The following MAPK10 variants were observed in gnomAD, a reference collection of about 807,000 sequenced individuals.
MAPK10 encodes the protein mitogen-activated protein kinase 10.
Under a neutral mutation model 59.3 loss-of-function variants are expected in MAPK10, and 25 were observed. That is an observed-to-expected ratio of 0.42 (90% confidence interval 0.31 to 0.59). The LOEUF (loss-of-function observed/expected upper bound fraction) is 0.59. Among genes scored for constraint, MAPK10 ranks in the 20% least tolerant of loss-of-function variants. The pLI is 0.15. For synonymous variants in MAPK10, 190 were observed against 200.5 expected (o/e 0.95, Z 0.44); for missense variants, 351 against 568.9 (o/e 0.62, Z 3.90).
chr4:86,036,781 T>C (rs1004073241), intron 11 of MAPK10, among the ~76,000 whole-genome samples: 1 of 152,242 alleles, frequency 6.6e-6, no homozygotes, highest in Non-Finnish European at 1.5e-5. Flanking sequence ...TTCCATTTTA[T>C]GCTTATTGTC....
At chr4:86,378,510 A>G (rs904662246) in intron 1 of MAPK10, among the ~76,000 whole-genome samples, 1 of 152,150 alleles carries the variant, frequency 6.6e-6, no homozygotes, top group African/African-American at 2.4e-5. Flanking sequence ...TTAAATGTTG[A>G]TATGTTCATT....
chr4:86,504,005 T>C (rs1046765294), intron 1 of MAPK10, among the ~76,000 whole-genome samples: 1 of 152,130 alleles, frequency 6.6e-6, no homozygotes, highest in Non-Finnish European at 1.5e-5. Flanking sequence ...TTCAAATGTC[T>C]ATACAAATGT....
At chr4:86,090,041 TTA>T (rs972878000) in intron 9 of MAPK10, among the ~76,000 whole-genome samples, 7 of 152,102 alleles carry the variant, frequency 4.6e-5, no homozygotes, top group African/African-American at 1.7e-4. Context: ...GGTCTCTCTG[TTA>T]TTGCCAAGTA....
chr4:86,113,806 T>G (rs2057903338), intron 4 of MAPK10, among the ~76,000 whole-genome samples: 1 of 152,238 alleles, frequency 6.6e-6, no homozygotes, highest in Admixed American at 6.5e-5. Flanking sequence ...TTGAAGTATG[T>G]TTTCCAACTT....
chr4:86,502,597 C>A (rs537809894), intron 1 of MAPK10, among the ~76,000 whole-genome samples: 1 of 152,084 alleles, frequency 6.6e-6, no homozygotes, highest in Non-Finnish European at 1.5e-5. Context: ...ATTGACCAAA[C>A]AAAAAGTTTT....
At position 86,332,148 on chromosome 4, in the gene MAPK10, AAC is replaced by A. The variant is rs764584545; in HGVS notation, c.-7+22380_-7+22381del. 2.7e-3 allele frequency among the ~76,000 whole-genome samples: 417 copies of A among 152,286 alleles called. 1 individual carries two copies. The highest frequency in any genetic ancestry group is 4.7e-3 in the Admixed American group (72 of 15,292). On this transcript the variant is annotated intron_variant, in intron 2 of 13. Transcript: ENST00000641462. ...TATGCAAATATACTGCAAATATTTCAACACACACAAACTAGAAGTACAAAAAA... is the reference window on the plus strand; with the variant it reads ...TATGCAAATATACTGCAAATATTTCAACACACAAACTAGAAGTACAAAAAA...
At chr4:86,235,158 C>A (rs796148025) in intron 2 of MAPK10, among the ~76,000 whole-genome samples, 1 of 152,150 alleles carries the variant, frequency 6.6e-6, no homozygotes, top group Non-Finnish European at 1.5e-5. Flanking sequence ...CTGAGGTGAA[C>A]TAAGGAACTG....
At chr4:86,196,210 C>G (rs1378089656) in intron 2 of MAPK10, among the ~76,000 whole-genome samples, 2 of 152,210 alleles carry the variant, frequency 1.3e-5, no homozygotes, top group Non-Finnish European at 2.9e-5. Flanking sequence ...TCCTATTTCT[C>G]CACATCCTCT....
At chr4:86,522,752 C>G (rs1293984451) in intron 1 of MAPK10, among the ~76,000 whole-genome samples, 1 of 152,124 alleles carries the variant, frequency 6.6e-6, no homozygotes, top group Non-Finnish European at 1.5e-5. Flanking sequence ...CATAGATCCT[C>G]TTTTTCTACC....
At chr4:86,367,402 GGA>G (rs1283352802) in intron 1 of MAPK10, among the ~76,000 whole-genome samples, 8 of 151,938 alleles carry the variant, frequency 5.3e-5, no homozygotes, top group African/African-American at 1.7e-4. Flanking sequence ...TTCTACTTGG[GGA>G]ACAGTGGCTT....
At chr4:86,508,169 C>G (rs1369903247) in intron 1 of MAPK10, among the ~76,000 whole-genome samples, 1 of 151,904 alleles carries the variant, frequency 6.6e-6, no homozygotes, top group South Asian at 2.1e-4. Flanking sequence ...TTTAGAGAAT[C>G]TTCCTCTCTG....
At chr4:86,205,787 A>G (rs2083696042) in intron 2 of MAPK10, among the ~76,000 whole-genome samples, 1 of 152,036 alleles carries the variant, frequency 6.6e-6, no homozygotes. Flanking sequence ...ACACACACAT[A>G]TATTTCACCA....
intron 3 of MAPK10, among the ~76,000 whole-genome samples, chr4:86,178,495 T>A (rs1386092032): frequency 6.6e-6 from 1 of 152,074 alleles, no homozygotes; most frequent in Non-Finnish European, 1.5e-5. Flanking sequence ...CTAGTTTATA[T>A]TACACAAATT....
chr4:86,183,386 A>G (rs1000201174), intron 3 of MAPK10, among the ~76,000 whole-genome samples: 3 of 147,976 alleles, frequency 2.0e-5, no homozygotes, highest in African/African-American at 5.0e-5. Flanking sequence ...GAGAACATGC[A>G]GTGTTTGGTT....
At chr4:86,057,347 T>A (rs2044785528) in intron 11 of MAPK10, among the ~76,000 whole-genome samples, 1 of 150,252 alleles carries the variant, frequency 6.7e-6, no homozygotes, top group East Asian at 1.9e-4. Flanking sequence ...GCACATCTGG[T>A]TGAAGATTAG....
At chr4:86,535,910 C>G (rs1338364018) in intron 1 of MAPK10, among the ~76,000 whole-genome samples, 1 of 152,136 alleles carries the variant, frequency 6.6e-6, no homozygotes, top group African/African-American at 2.4e-5. Context: ...CCAGAAGATT[C>G]CTATCAAGTC....
rs191998964 is a variant in MAPK10, at chr4:86,029,316, C to T, written c.1175-42G>A. 348 of 1,247,542 alleles carry T rather than the reference C, an allele frequency of 2.8e-4. 1 individual carries two copies. The African/African-American group carries it at 4.6e-3, about 16-fold the overall frequency. The allele number at this position is 1,247,542 out of a possible 1,614,324, so 77.3% of individuals were successfully genotyped here. A position where few individuals can be genotyped will look rare whatever the true frequency, so the allele number is the denominator to read the frequency against. Reference sequence around the variant, plus strand: ...TGTTATTATAGAAAACAAATTTATCCTTCATCCACAGGGAAATTCATTACT... The same window carrying T: ...TGTTATTATAGAAAACAAATTTATCTTTCATCCACAGGGAAATTCATTACT... On this transcript the variant is annotated intron_variant, in intron 12 of 13. Coordinates refer to ENST00000641462, the MANE Select transcript of MAPK10 (RefSeq NM_138982.4).
At chr4:86,334,925 T>G (rs1185099910) in intron 2 of MAPK10, among the ~76,000 whole-genome samples, 1 of 151,842 alleles carries the variant, frequency 6.6e-6, no homozygotes, top group Non-Finnish European at 1.5e-5. Context: ...AGACCTTTTC[T>G]GAACTCAATG....
chr4:86,511,699 A>AAGG lies in MAPK10; in HGVS notation c.-263+82208_-263+82210dup, dbSNP rs140122360. ...GAAGAAGAAGAACAGGAAGAAGAAG[A>AAGG]AGGAGGAGGAGGAGGAGGAGCGGGA... is the stretch of plus-strand genomic sequence containing the variant. On this transcript the variant is annotated intron_variant, in intron 1 of 4. Transcript: ENST00000502302. Among the ~76,000 whole-genome samples, 596 of 145,838 alleles carry AAGG rather than the reference A, an allele frequency of 4.1e-3. 10 individuals carry two copies. The highest frequency in any genetic ancestry group is 0.022 in the East Asian group (104 of 4,646).
Sources: gnomAD v4.1 joint callset for allele counts (sites outside exome capture counted in the v4.1 genomes callset) on GRCh38, gnomAD v4.1.1 for gene constraint, MANE v1.5 for transcripts, NCBI Gene and HGNC (gene_info 2026-07-23, HGNC 2026-07-21) for gene names.